Variants in OR8B2 observed in about 807,000 individuals in gnomAD.
OR8B2 encodes olfactory receptor family 8 subfamily B member 2, also known as olfactory receptor 8B2.
For synonymous variants in OR8B2, 98 were observed against 138.2 expected (o/e 0.71, Z 2.04); for missense variants, 304 against 379.6 (o/e 0.80, Z 1.65).
At chr11:124,388,498 C>T (rs1252038683), upstream of OR8B2, among the ~76,000 whole-genome samples, 1 of 152,122 alleles carries the variant, frequency 6.6e-6, no homozygotes, top group Non-Finnish European at 1.5e-5. Context: ...CCTCCAGTTG[C>T]ATTTCTAGAA....
chr11:124,396,142 GGA>G, the OR8B2 span: 1 of 346,914 alleles, frequency 2.9e-6, no homozygotes, highest in African/African-American at 2.1e-5. Flanking sequence ...GAACAGCCCA[GGA>G]GAGAGGAAGG....
chr11:124,383,711 C>T (rs1357407314), intron 1 of OR8B2, among the ~76,000 whole-genome samples: 1 of 152,154 alleles, frequency 6.6e-6, no homozygotes, highest in Admixed American at 6.5e-5. Context: ...TTCCATTATT[C>T]TACTAGACAC....
At chr11:124,388,884 T>A (rs1468603853), upstream of OR8B2, among the ~76,000 whole-genome samples, 1 of 150,242 alleles carries the variant, frequency 6.7e-6, no homozygotes, top group Non-Finnish European at 1.5e-5. Flanking sequence ...TGGAGTGCAG[T>A]GGAGTGATCT....
chr11:124,391,895 A>G, the OR8B2 span, among the ~76,000 whole-genome samples: 2 of 148,240 alleles, frequency 1.3e-5, no homozygotes, highest in Admixed American at 1.3e-4. Flanking sequence ...CCAGCAGCAC[A>G]TCAAAAAGCT....
At chr11:124,388,827 C>A (rs946320347), upstream of OR8B2, among the ~76,000 whole-genome samples, 1 of 129,876 alleles carries the variant, frequency 7.7e-6, no homozygotes, top group South Asian at 2.5e-4. Flanking sequence ...GTGTGAAATT[C>A]TTTTTTTTTT....
the OR8B2 span, chr11:124,397,282 G>C: frequency 8.0e-7 from 1 of 1,252,966 alleles, no homozygotes; most frequent in Non-Finnish European, 1.1e-6. Context: ...AGGGGTTGCT[G>C]GAACTCTGGA....
chr11:124,390,539 C>G, the OR8B2 span, among the ~76,000 whole-genome samples: 3 of 152,088 alleles, frequency 2.0e-5, no homozygotes, highest in Non-Finnish European at 1.5e-5. Context: ...CAAAGCCATC[C>G]TTGGCTTGAG....
At chr11:124,390,942 G>T in the OR8B2 span, among the ~76,000 whole-genome samples, 22 of 152,024 alleles carry the variant, frequency 1.4e-4, no homozygotes, top group Non-Finnish European at 2.6e-4. Flanking sequence ...TCAAGGTTTG[G>T]TGTTTTCCTT....
chr11:124,393,878 G>A, the OR8B2 span, among the ~76,000 whole-genome samples: 1 of 150,546 alleles, frequency 6.6e-6, no homozygotes, highest in East Asian at 2.0e-4. Flanking sequence ...ATGATAGACT[G>A]GATTAAAAAA....
At chr11:124,396,953 C>T in the OR8B2 span, 2 of 1,612,318 alleles carry the variant, frequency 1.2e-6, no homozygotes, top group South Asian at 1.1e-5. Flanking sequence ...ACATGGTGAC[C>T]TTATACAGCA....
the OR8B2 span, among the ~76,000 whole-genome samples, chr11:124,392,959 A>G: frequency 1.4e-5 from 2 of 145,994 alleles, no homozygotes; most frequent in African/African-American, 5.3e-5. Context: ...AAATAACGCC[A>G]CATATCTACA....
At chr11:124,386,449 T>C (rs1449116601), upstream of OR8B2, among the ~76,000 whole-genome samples, 1 of 126,182 alleles carries the variant, frequency 7.9e-6, no homozygotes, top group African/African-American at 3.1e-5. Flanking sequence ...GATGTTCCCC[T>C]TCCTGTGTCC....
At position 124,382,588 on chromosome 11, in the gene OR8B2, A is replaced by C; in HGVS notation, c.756T>G (p.Phe252Leu). Residue 252 changes from phenylalanine (F) to leucine (L), a missense_variant, in exon 2 of 2, where the codon TTT becomes TTG. Physicochemically the swap from Phe to Leu is conservative, Grantham distance 22 (BLOSUM62 0). Coordinates refer to ENST00000641451, the MANE Select transcript of OR8B2 (RefSeq NM_001005468.2). Reference sequence around the variant, plus strand: ...TAATATACATGAATGCCGCTGACCCAAAAAACAGAGACAGAGCAATGACAT... The same window carrying C: ...TAATATACATGAATGCCGCTGACCCCAAAAACAGAGACAGAGCAATGACAT... The part of the protein sequence containing the change: ...SSHVIALSLF[F>L]GSAAFMYIKY... 1 of 1,612,588 alleles carries C rather than the reference A, an allele frequency of 6.2e-7. No homozygotes were observed. Among genetic ancestry groups the C allele is most frequent in the South Asian group, 1.1e-5 (1 of 90,846 alleles).
At chr11:124,388,520 A>C (rs937184334), upstream of OR8B2, among the ~76,000 whole-genome samples, 3 of 152,170 alleles carry the variant, frequency 2.0e-5, no homozygotes, top group Non-Finnish European at 4.4e-5. Context: ...AATGCCTAGG[A>C]GCACACCAAG....
At chr11:124,385,695 A>G (rs992999323), upstream of OR8B2, among the ~76,000 whole-genome samples, 3 of 150,012 alleles carry the variant, frequency 2.0e-5, no homozygotes, top group Non-Finnish European at 3.0e-5. Context: ...CAGTGGTGCA[A>G]TCACAGCTCA....
At chr11:124,394,086 C>T in the OR8B2 span, among the ~76,000 whole-genome samples, 1 of 122,174 alleles carries the variant, frequency 8.2e-6, no homozygotes, top group Non-Finnish European at 1.6e-5. Flanking sequence ...AGGAGAACAT[C>T]ACACTCTGGG....
chr11:124,392,186 C>T, the OR8B2 span, among the ~76,000 whole-genome samples: 763 of 108,634 alleles, frequency 7.0e-3, 10 homozygotes, highest in African/African-American at 0.033. Context: ...GGAAGCATTC[C>T]CTTTGAAAAC....
In OR8B2 at chr11:124,383,161, A is replaced by G. The variant is rs765672192; in HGVS notation, c.183T>C (p.Tyr61=). ...CAATGAAGGAGAGATTGAAGAGGAA[A>G]TAGTACATTGGTGTGTGGAGGTGAG... ...LNSHLHTPMY[Y]FLFNLSFIDL... is the part of the protein sequence containing the mutation. Residue 61 remains tyrosine, a synonymous_variant, in exon 2 of 2, where the codon TAT becomes TAC. Coordinates refer to ENST00000641451, the MANE Select transcript of OR8B2 (RefSeq NM_001005468.2). The G allele has an allele frequency of 3.1e-6, 5 of 1,613,978 alleles. No individual in the cohort carries two copies. The highest frequency in any genetic ancestry group is 4.2e-6 in the Non-Finnish European group (5 of 1,179,866).
chr11:124,383,089 A>G lies in OR8B2; in HGVS notation c.255T>C (p.Phe85=), dbSNP rs1225927538. The G allele has an allele frequency of 1.9e-6, 3 of 1,613,804 alleles. No individual in the cohort carries two copies. The highest frequency in any genetic ancestry group is 2.7e-5 in the African/African-American group (2 of 74,924). Residue 85 remains phenylalanine (F), a synonymous_variant, in exon 2 of 2, where the codon TTT becomes TTC. Transcript: ENST00000641451. ...SVFTPKMLMN[F]VSKKNIISNV... ...TGGAGATAATATTCTTTTTTGACAC[A>G]AAGTTCATTAGCATTTTGGGAGTGA...
Sources: gnomAD v4.1 joint callset for allele counts (sites outside exome capture counted in the v4.1 genomes callset) on GRCh38, gnomAD v4.1.1 for gene constraint, MANE v1.5 for transcripts, NCBI Gene and HGNC (gene_info 2026-07-23, HGNC 2026-07-21) for gene names.